Variants in SDK1 observed in about 807,000 individuals in gnomAD.
SDK1 encodes protein sidekick-1.
Under a neutral mutation model 245.5 loss-of-function variants are expected in SDK1, and 157 were observed. The observed-to-expected ratio is 0.64, with a 90% CI of 0.56 to 0.73. The LOEUF is 0.73. Ranked by LOEUF, SDK1 falls within the 30% of genes least tolerant of loss-of-function variation. The pLI is 0.00. For missense variants in SDK1, 3,583 were observed against 3,002.3 expected (o/e 1.19, Z -4.52); for synonymous variants, 1,647 against 1,278.5 (o/e 1.29, Z -6.15).
At chr7:3,680,642 C>A (rs1003796328) in intron 4 of SDK1, among the ~76,000 whole-genome samples, 1 of 152,072 alleles carries the variant, frequency 6.6e-6, no homozygotes, top group African/African-American at 2.4e-5. Context: ...TATTTAAAAT[C>A]TAGTGATTTT....
At chr7:3,378,406 C>CT (rs1256834130) in intron 1 of SDK1, among the ~76,000 whole-genome samples, 54 of 152,146 alleles carry the variant, frequency 3.5e-4, no homozygotes, top group Admixed American at 3.2e-3. Context: ...ATGACCTGTT[C>CT]TTTTTTCTGT....
intron 5 of SDK1, among the ~76,000 whole-genome samples, chr7:3,844,439 A>G (rs947106603): frequency 1.3e-5 from 2 of 152,336 alleles, no homozygotes; most frequent in South Asian, 4.1e-4. Flanking sequence ...ATTAAGACTC[A>G]GGACCCTTGA....
intron 4 of SDK1, among the ~76,000 whole-genome samples, chr7:3,650,002 A>G (rs972359846): frequency 6.6e-5 from 8 of 121,488 alleles, no homozygotes; most frequent in Admixed American, 5.7e-4. Context: ...AGAGGTTGCT[A>G]TTTTTTGTTT....
intron 1 of SDK1, among the ~76,000 whole-genome samples, chr7:3,512,528 G>A (rs1782615550): frequency 6.6e-6 from 1 of 152,180 alleles, no homozygotes; most frequent in South Asian, 2.1e-4. Flanking sequence ...TTTGTAAGAA[G>A]CCACCAGGCT....
intron 5 of SDK1, among the ~76,000 whole-genome samples, chr7:3,873,977 T>C (rs1781016078): frequency 6.6e-6 from 1 of 152,196 alleles, no homozygotes; most frequent in Non-Finnish European, 1.5e-5. Flanking sequence ...TTGTGGAGTA[T>C]TTTTCCTTGC....
intron 4 of SDK1, among the ~76,000 whole-genome samples, chr7:3,720,143 C>G (rs1189339182): frequency 5.3e-5 from 8 of 151,984 alleles, no homozygotes; most frequent in Non-Finnish European, 1.2e-4. Context: ...TAAAAACCAG[C>G]CACTCGGGAG....
intron 1 of SDK1, among the ~76,000 whole-genome samples, chr7:3,408,563 C>T (rs1184483126): frequency 6.6e-6 from 1 of 152,098 alleles, no homozygotes; most frequent in Non-Finnish European, 1.5e-5. Context: ...ATGTGAGTAT[C>T]TCATTTGTTT....
intron 1 of SDK1, among the ~76,000 whole-genome samples, chr7:3,614,858 C>A (rs1027371964): frequency 6.9e-6 from 1 of 143,968 alleles, no homozygotes; most frequent in African/African-American, 2.4e-5. Flanking sequence ...AATTTTACGG[C>A]CATTTGGATC....
intron 5 of SDK1, among the ~76,000 whole-genome samples, chr7:3,846,496 C>G (rs1482188392): frequency 1.3e-5 from 2 of 152,164 alleles, no homozygotes; most frequent in Non-Finnish European, 2.9e-5. Context: ...GGACTGCCTT[C>G]CCCAAGGCCC....
intron 35 of SDK1, among the ~76,000 whole-genome samples, chr7:4,195,280 G>A (rs996199277): frequency 2.8e-4 from 42 of 152,290 alleles, no homozygotes; most frequent in African/African-American, 9.4e-4. Context: ...CACGCGATGC[G>A]CTGCTTGTTG....
chr7:3,461,161 G>C (rs1201209116), intron 1 of SDK1, among the ~76,000 whole-genome samples: 1 of 152,162 alleles, frequency 6.6e-6, no homozygotes, highest in Non-Finnish European at 1.5e-5. Flanking sequence ...TGTTGAGTTA[G>C]AAGTGTGCAG....
At chr7:3,714,835 C>T (rs575242794) in intron 4 of SDK1, among the ~76,000 whole-genome samples, 9 of 152,140 alleles carry the variant, frequency 5.9e-5, no homozygotes, top group Admixed American at 2.0e-4. Flanking sequence ...AAGTGTCAAG[C>T]TTGGAGAGGT....
intron 1 of SDK1, among the ~76,000 whole-genome samples, chr7:3,614,213 G>T (rs993480291): frequency 4.6e-5 from 7 of 152,158 alleles, no homozygotes; most frequent in African/African-American, 1.4e-4. Flanking sequence ...TATCCACACA[G>T]ATGAGACTCT....
intron 1 of SDK1, among the ~76,000 whole-genome samples, chr7:3,563,158 G>A (rs1336114776): frequency 6.6e-6 from 1 of 152,054 alleles, no homozygotes; most frequent in Non-Finnish European, 1.5e-5. Context: ...ACCAGCAGAA[G>A]AAAATTGGAT....
chr7:4,177,958 G>A lies in SDK1; in HGVS notation c.4997-527G>A, dbSNP rs767201852. ...GGAACAGCACGTGCAAGAGAGCCAG[G>A]TTGTGCAAGGCATAAGGAGCACGCA... On this transcript the variant is annotated intron_variant, in intron 34 of 44. Coordinates refer to ENST00000404826, the MANE Select transcript of SDK1 (RefSeq NM_152744.4). Among the ~76,000 whole-genome samples the A allele has an allele frequency of 2.0e-5, 3 of 150,338 alleles. No individual in the cohort carries two copies. In the South Asian group the frequency reaches 6.6e-4, roughly 33 times the overall value.
At chr7:3,593,522 A>G (rs1205151069) in intron 1 of SDK1, among the ~76,000 whole-genome samples, 2 of 152,232 alleles carry the variant, frequency 1.3e-5, no homozygotes, top group Non-Finnish European at 2.9e-5. Flanking sequence ...CTTTGAAGAC[A>G]GCTTCTCAAG....
intron 4 of SDK1, among the ~76,000 whole-genome samples, chr7:3,666,854 A>G (rs1366118300): frequency 1.3e-5 from 2 of 152,218 alleles, no homozygotes; most frequent in Non-Finnish European, 2.9e-5. Context: ...AACGAGGGAT[A>G]AATGCCTGAC....
At chr7:3,361,286 G>A (rs746970024) in intron 1 of SDK1, among the ~76,000 whole-genome samples, 4 of 152,146 alleles carry the variant, frequency 2.6e-5, no homozygotes, top group Admixed American at 6.5e-5. Context: ...TTTAAAACCC[G>A]AATTGAAATT....
chr7:3,342,937 A>G (rs1780386745), intron 1 of SDK1, among the ~76,000 whole-genome samples: 1 of 151,834 alleles, frequency 6.6e-6, no homozygotes, highest in Non-Finnish European at 1.5e-5. Flanking sequence ...ACATACATTC[A>G]GTATTACTAG....
Sources: allele counts gnomAD v4.1 joint callset (sites outside exome capture counted in the v4.1 genomes callset), GRCh38; gene constraint gnomAD v4.1.1; transcripts MANE v1.5; gene names NCBI Gene and HGNC (gene_info 2026-07-23, HGNC 2026-07-21).